Variants in ASB15 observed in about 807,000 individuals in gnomAD.
ASB15 encodes ankyrin repeat and SOCS box containing 15.
ASB15 carries 54 observed loss-of-function variants against 58.0 expected under a neutral mutation model. That is an observed-to-expected ratio of 0.93 (90% CI 0.75 to 1.17). The LOEUF (loss-of-function observed/expected upper bound fraction) is 1.17. Ranked by LOEUF, ASB15 falls within the 50% of genes most tolerant of loss-of-function variation. The pLI is 0.00. For synonymous variants in ASB15, 249 were observed against 262.4 expected (o/e 0.95, Z 0.50); for missense variants, 680 against 707.4 (o/e 0.96, Z 0.44).
chr7:123,612,379 C>T (rs576345559), intron 3 of ASB15: 2 of 152,236 alleles, frequency 1.3e-5, no homozygotes, highest in Non-Finnish European at 2.9e-5. Flanking sequence ...AACCAATGGT[C>T]CAAGTGAAAA....
At chr7:123,577,922 C>T (rs558781929) in intron 1 of ASB15, among the ~76,000 whole-genome samples, 6 of 151,784 alleles carry the variant, frequency 4.0e-5, no homozygotes, top group Non-Finnish European at 7.4e-5. Flanking sequence ...CTTTAAGTTC[C>T]GGGATACGTG....
At chr7:123,586,025 G>C (rs1799366827) in intron 1 of ASB15, among the ~76,000 whole-genome samples, 1 of 151,710 alleles carries the variant, frequency 6.6e-6, no homozygotes, top group Non-Finnish European at 1.5e-5. Context: ...TCTGAATAAT[G>C]CTGCAATGAA....
chr7:123,594,565 C>T (rs1041772534), intron 1 of ASB15, among the ~76,000 whole-genome samples: 11 of 152,144 alleles, frequency 7.2e-5, no homozygotes, highest in African/African-American at 2.4e-4. Context: ...TTGGAGTTTG[C>T]TGGAGGTCCA....
intron 1 of ASB15, among the ~76,000 whole-genome samples, chr7:123,584,304 T>G (rs1321545301): frequency 3.4e-5 from 2 of 58,166 alleles, no homozygotes; most frequent in East Asian, 7.5e-4. Context: ...CAGAAAGGCC[T>G]TGTCAAAAAA....
Position 123,639,403 on chromosome 7 carries a change from A to C in ASB15, c.*2422A>C, listed in dbSNP as rs187967852. On this transcript the variant is annotated 3_prime_UTR_variant, in exon 12 of 12. Transcript: ENST00000451215. ...AAATGTATTGTTACCTAAAAATATT[A>C]CTCTAATGAATAAAAAATCATATTG... The C allele has an allele frequency of 1.1e-4, 16 of 152,264 alleles. No individual in the cohort carries two copies. In the East Asian group the frequency reaches 3.1e-3, roughly 29 times the overall value. The allele number at this position is 152,264 out of a possible 1,614,324, so 9.4% of individuals were successfully genotyped here. A position where few individuals can be genotyped will look rare whatever the true frequency, so the allele number is the denominator to read the frequency against.
At chr7:123,620,994 C>A (rs1209746550) in intron 7 of ASB15, among the ~76,000 whole-genome samples, 1 of 152,142 alleles carries the variant, frequency 6.6e-6, no homozygotes, top group Non-Finnish European at 1.5e-5. Flanking sequence ...TACTGCTTCA[C>A]TTTGCAAATA....
chr7:123,596,016 A>G (rs1227624728), intron 1 of ASB15, among the ~76,000 whole-genome samples: 33 of 152,226 alleles, frequency 2.2e-4, no homozygotes, highest in Admixed American at 2.2e-3. Context: ...TCAAGCCATA[A>G]CTAAGCCAAA....
intron 6 of ASB15, 124 bp downstream of exon 6, chr7:123,616,619 T>C (rs773882377): frequency 2.5e-6 from 3 of 1,198,400 alleles, no homozygotes; most frequent in Admixed American, 3.1e-5. Flanking sequence ...TATTTGGAAT[T>C]TGAAAAAGGC....
rs1056841108 is a variant in ASB15, at chr7:123,639,371, C to T, written c.*2390C>T. On this transcript the variant is annotated 3_prime_UTR_variant, in exon 12 of 12. Transcript: ENST00000451215. ...ATTATTCTTGTGTTGCACTCTTAGACGTGGTTAAATGTATTGTTACCTAAA... is the reference window on the plus strand; with the variant it reads ...ATTATTCTTGTGTTGCACTCTTAGATGTGGTTAAATGTATTGTTACCTAAA... 7.9e-5 allele frequency: 12 copies of T among 152,038 alleles called. No individual in the cohort carries two copies. Among genetic ancestry groups the T allele is most frequent in the African/African-American group, 2.7e-4 (11 of 41,390 alleles). 9.4% of individuals were successfully genotyped at this position (152,038 alleles called of 1,614,324 possible).
At chr7:123,580,569 G>A (rs1202887161) in intron 1 of ASB15, among the ~76,000 whole-genome samples, 1 of 152,000 alleles carries the variant, frequency 6.6e-6, no homozygotes, top group African/African-American at 2.4e-5. Flanking sequence ...GGTTAAATGA[G>A]ATAATGCATA....
Position 123,628,949 on chromosome 7 carries a change from C to T in ASB15, c.955C>T (p.Gln319Ter), listed in dbSNP as rs1801972183. Residue 319 changes from glutamine (Q) to a stop codon, truncating the protein, a stop_gained, in exon 10 of 12, where the codon CAA becomes TAA. Transcript: ENST00000451215. LOFTEE classifies it high-confidence loss of function. ...ACCAATTCACTCAGCAGCAGATGGA[C>T]AAAATGCACAGTGTCTAGAACTGCT... is the stretch of plus-strand genomic sequence containing the variant. The part of the protein sequence containing the change: ...LTPIHSAADG[Q>*]NAQCLELLIE... The T allele has an allele frequency of 6.2e-7, 1 of 1,609,714 alleles. No homozygotes were observed. The highest frequency in any genetic ancestry group is 8.5e-7 in the Non-Finnish European group (1 of 1,177,952).
chr7:123,574,322 T>C (rs1799002148), intron 1 of ASB15, among the ~76,000 whole-genome samples: 1 of 152,126 alleles, frequency 6.6e-6, no homozygotes, highest in African/African-American at 2.4e-5. Flanking sequence ...AGGACAATCT[T>C]TTAAGACAGT....
chr7:123,598,205 T>C (rs1799761609), upstream of ASB15, among the ~76,000 whole-genome samples: 1 of 152,196 alleles, frequency 6.6e-6, no homozygotes. Flanking sequence ...AATATACTTT[T>C]ATATCTAGAC....
intron 1 of ASB15, among the ~76,000 whole-genome samples, chr7:123,578,927 A>T (rs1039583633): frequency 2.6e-5 from 4 of 151,934 alleles, no homozygotes; most frequent in Admixed American, 1.3e-4. Flanking sequence ...TTTATTTTAG[A>T]TTCGGGTGGT....
intron 1 of ASB15, among the ~76,000 whole-genome samples, chr7:123,570,541 CA>C (rs1798881945): frequency 6.6e-6 from 1 of 152,166 alleles, no homozygotes; most frequent in Non-Finnish European, 1.5e-5. Flanking sequence ...AAGCCAAACA[CA>C]CTAAGAAACT....
chr7:123,619,494 G>A (rs1392528010), intron 7 of ASB15, among the ~76,000 whole-genome samples: 6 of 152,134 alleles, frequency 3.9e-5, no homozygotes, highest in Admixed American at 1.3e-4. Flanking sequence ...GGGTCTCCAC[G>A]GCACGGTGTC....
At chr7:123,595,086 C>T (rs1231994489) in intron 1 of ASB15, among the ~76,000 whole-genome samples, 3 of 152,216 alleles carry the variant, frequency 2.0e-5, no homozygotes, top group Admixed American at 6.5e-5. Context: ...GCAAGCAAGG[C>T]TCCGTGGACG....
intron 1 of ASB15, among the ~76,000 whole-genome samples, chr7:123,594,213 A>G (rs1205257759): frequency 6.6e-6 from 1 of 151,904 alleles, no homozygotes; most frequent in Non-Finnish European, 1.5e-5. Flanking sequence ...CTTCCTTGCA[A>G]TGGGTTAGAA....
At chr7:123,579,750 T>C (rs575010310) in intron 1 of ASB15, among the ~76,000 whole-genome samples, 1 of 152,212 alleles carries the variant, frequency 6.6e-6, no homozygotes, top group African/African-American at 2.4e-5. Context: ...TCTATTATGC[T>C]ATAGAATGCA....
Sources: gnomAD v4.1 joint callset for allele counts (sites outside exome capture counted in the v4.1 genomes callset) on GRCh38, gnomAD v4.1.1 for gene constraint, MANE v1.5 for transcripts, NCBI Gene and HGNC (gene_info 2026-07-23, HGNC 2026-07-21) for gene names.